The following SLC24A2 variants were observed in gnomAD, a reference collection of about 807,000 sequenced individuals.
The protein encoded by SLC24A2 is sodium/potassium/calcium exchanger 2.
A neutral mutation model predicts 62.0 loss-of-function variants in SLC24A2; 36 were observed. The ratio of observed to expected loss-of-function variants is 0.58; its 90% CI spans 0.44 to 0.77. The LOEUF (loss-of-function observed/expected upper bound fraction) is 0.77, where lower values mean the gene tolerates loss of function less well. Ranked by LOEUF, SLC24A2 falls within the 30% of genes least tolerant of loss-of-function variation. The pLI is 0.00. For synonymous variants in SLC24A2, 358 were observed against 294.0 expected, an observed-to-expected ratio of 1.22 and a Z score of -2.23; for missense variants, 846 against 817.9, an observed-to-expected ratio of 1.03 and a Z score of -0.42.
the SLC24A2 span, among the ~76,000 whole-genome samples, chr9:20,178,145 G>T: frequency 2.0e-5 from 3 of 152,126 alleles, no homozygotes; most frequent in African/African-American, 4.8e-5. Flanking sequence ...AGGTAAAAAG[G>T]TTAATGATCT....
chr9:20,279,203 G>A, the SLC24A2 span, among the ~76,000 whole-genome samples: 1 of 152,302 alleles, frequency 6.6e-6, no homozygotes, highest in East Asian at 1.9e-4. Flanking sequence ...AGATTTGGAT[G>A]GGGACACAGC....
At chr9:20,144,536 T>C in the SLC24A2 span, among the ~76,000 whole-genome samples, 1 of 152,166 alleles carries the variant, frequency 6.6e-6, no homozygotes, top group African/African-American at 2.4e-5. Flanking sequence ...GCTTGCTTCT[T>C]GTCAGCTTTC....
the SLC24A2 span, among the ~76,000 whole-genome samples, chr9:20,218,544 G>A: frequency 6.6e-6 from 1 of 152,012 alleles, no homozygotes; most frequent in Non-Finnish European, 1.5e-5. Flanking sequence ...TTAAGTGAGG[G>A]GTTTCTAAAC....
At chr9:19,548,316 A>G (rs1834682082) in intron 8 of SLC24A2, among the ~76,000 whole-genome samples, 1 of 152,230 alleles carries the variant, frequency 6.6e-6, no homozygotes, top group Admixed American at 6.5e-5. Context: ...AATATGAAGC[A>G]AAGCCCAAGC....
chr9:20,027,338 A>G, the SLC24A2 span, among the ~76,000 whole-genome samples: 2 of 152,204 alleles, frequency 1.3e-5, no homozygotes, highest in African/African-American at 2.4e-5. Context: ...CGTCAAAAAG[A>G]TATCTACATT....
chr9:19,717,350 A>G (rs1205151176), intron 2 of SLC24A2, among the ~76,000 whole-genome samples: 2 of 152,268 alleles, frequency 1.3e-5, no homozygotes, highest in Non-Finnish European at 2.9e-5. Context: ...CCTCACAAGT[A>G]GCCCAGTACA....
chr9:19,705,387 G>C (rs1820482006), intron 2 of SLC24A2: 2 of 160,978 alleles, frequency 1.2e-5, no homozygotes, highest in African/African-American at 4.8e-5. Flanking sequence ...AACTGGGAGT[G>C]GTGTCTGAGG....
At chr9:19,959,645 A>C in the SLC24A2 span, among the ~76,000 whole-genome samples, 1 of 152,218 alleles carries the variant, frequency 6.6e-6, no homozygotes, top group South Asian at 2.1e-4. Flanking sequence ...TTATCTTTTC[A>C]TGGTGTTGAA....
the SLC24A2 span, among the ~76,000 whole-genome samples, chr9:19,860,593 C>G: frequency 2.0e-5 from 3 of 152,086 alleles, no homozygotes; most frequent in Non-Finnish European, 4.4e-5. Context: ...TATCTTGCAC[C>G]TTAGGAACCA....
the SLC24A2 span, among the ~76,000 whole-genome samples, chr9:20,007,810 A>G: frequency 7.4e-6 from 1 of 135,268 alleles, no homozygotes; most frequent in African/African-American, 2.8e-5. Context: ...CACAAGCTTG[A>G]TGTGTATTTT....
chr9:20,169,694 C>T, the SLC24A2 span, among the ~76,000 whole-genome samples: 1 of 143,494 alleles, frequency 7.0e-6, no homozygotes, highest in African/African-American at 2.8e-5. Flanking sequence ...GCCTTGAGCC[C>T]TAAACCTTCC....
chr9:19,550,044 CT>C, intron 8 of SLC24A2, 92 bp downstream of exon 8: 1 of 1,328,188 alleles, frequency 7.5e-7, no homozygotes, highest in Non-Finnish European at 1.1e-6. Context: ...AGTGTACTTC[CT>C]TTTTCCTTTT....
the SLC24A2 span, among the ~76,000 whole-genome samples, chr9:20,153,338 T>C: frequency 6.6e-6 from 1 of 151,802 alleles, no homozygotes; most frequent in Non-Finnish European, 1.5e-5. Context: ...ATAAAAGGAC[T>C]GGAACCAAAC....
At chr9:20,007,090 G>C in the SLC24A2 span, among the ~76,000 whole-genome samples, 9 of 152,076 alleles carry the variant, frequency 5.9e-5, 1 homozygote, top group Non-Finnish European at 1.2e-4. Flanking sequence ...ATCATGCTAA[G>C]GACTGGTAAA....
At chr9:19,538,278 T>C (rs1273899228) in intron 8 of SLC24A2, among the ~76,000 whole-genome samples, 1 of 143,410 alleles carries the variant, frequency 7.0e-6, no homozygotes, top group African/African-American at 2.7e-5. Flanking sequence ...CCCTGTCTTG[T>C]GCCAGTTTTC....
At chr9:19,801,721 T>G in the SLC24A2 span, among the ~76,000 whole-genome samples, 11 of 152,218 alleles carry the variant, frequency 7.2e-5, no homozygotes, top group Non-Finnish European at 2.9e-5. Flanking sequence ...TGAGCTAAGT[T>G]GCAAGCCCTG....
At chr9:19,899,551 G>C in the SLC24A2 span, among the ~76,000 whole-genome samples, 1 of 152,124 alleles carries the variant, frequency 6.6e-6, no homozygotes, top group Non-Finnish European at 1.5e-5. Flanking sequence ...GAAAGCTTGG[G>C]GCAGTGATAA....
chr9:19,987,248 G>T, the SLC24A2 span, among the ~76,000 whole-genome samples: 3 of 152,148 alleles, frequency 2.0e-5, no homozygotes, highest in South Asian at 4.1e-4. Flanking sequence ...TCTCACTGTC[G>T]GGTGGACCTC....
chr9:19,892,504 G>A, the SLC24A2 span, among the ~76,000 whole-genome samples: 1 of 152,136 alleles, frequency 6.6e-6, no homozygotes, highest in East Asian at 1.9e-4. Flanking sequence ...AATGTTTGCT[G>A]ACTGCCTGCC....
Sources: gnomAD v4.1 joint callset for allele counts (sites outside exome capture counted in the v4.1 genomes callset) on GRCh38, gnomAD v4.1.1 for gene constraint, MANE v1.5 for transcripts, NCBI Gene and HGNC (gene_info 2026-07-23, HGNC 2026-07-21) for gene names.